Variants in EXT1 observed in about 807,000 individuals in gnomAD.
The protein encoded by EXT1 is exostosin-1.
In EXT1, 20 loss-of-function variants were observed where a neutral mutation model predicts 82.5. That is an observed-to-expected ratio of 0.24 (90% CI 0.17 to 0.35). The LOEUF is 0.35. EXT1 is among the 10% of genes least tolerant of loss of function. The probability of loss-of-function intolerance (pLI) is 1.00; values close to 1 mark genes in which losing one functional copy is unlikely to be tolerated. For missense variants in EXT1, 757 were observed against 936.5 expected (o/e 0.81, Z 2.50); for synonymous variants, 348 against 350.8 (o/e 0.99, Z 0.09).
intron 1 of EXT1, among the ~76,000 whole-genome samples, chr8:118,002,926 C>T (rs921641651): frequency 3.3e-5 from 5 of 152,098 alleles, no homozygotes; most frequent in Non-Finnish European, 7.3e-5. Context: ...AAGATATTTG[C>T]ACACACATTT....
At chr8:117,907,606 C>T (rs1813566559) in intron 1 of EXT1, among the ~76,000 whole-genome samples, 1 of 152,164 alleles carries the variant, frequency 6.6e-6, no homozygotes, top group Admixed American at 6.5e-5. Context: ...AAATGAGATA[C>T]TCTGAATTAG....
In EXT1 at chr8:118,054,590, G is replaced by T. The variant is rs1816765714; in HGVS notation, c.962+55495C>A. ...ATCCTTCAAACGACCCTAAAATAAA[G>T]ATACTGCCATCTCCATTTTTCCCTA... On this transcript the variant is annotated intron_variant, in intron 1 of 10. Transcript: ENST00000378204. Among the ~76,000 whole-genome samples the T allele has an allele frequency of 2.0e-5, 3 of 152,162 alleles. No homozygotes were observed. The South Asian group carries it at 6.2e-4, about 31-fold the overall frequency.
intron 1 of EXT1, among the ~76,000 whole-genome samples, chr8:117,977,741 G>A (rs968804055): frequency 5.3e-5 from 8 of 152,058 alleles, no homozygotes; most frequent in African/African-American, 1.9e-4. Context: ...ATCCATGGAG[G>A]GTCAGATGAG....
intron 1 of EXT1, among the ~76,000 whole-genome samples, chr8:118,032,318 T>C (rs1389575448): frequency 6.6e-6 from 1 of 151,544 alleles, no homozygotes; most frequent in Non-Finnish European, 1.5e-5. Context: ...AATCAGAAAT[T>C]TTAGAGTGAG....
chr8:117,872,334 C>G (rs1275335006), intron 1 of EXT1, among the ~76,000 whole-genome samples: 1 of 152,028 alleles, frequency 6.6e-6, no homozygotes, highest in African/African-American at 2.4e-5. Context: ...TTCAAGAAAG[C>G]AGCCACAGCA....
chr8:117,944,974 A>C (rs1814358403), intron 1 of EXT1, among the ~76,000 whole-genome samples: 3 of 152,208 alleles, frequency 2.0e-5, no homozygotes. Flanking sequence ...CATCCTGGCT[A>C]ACACGGTGAA....
intron 1 of EXT1, among the ~76,000 whole-genome samples, chr8:117,839,779 G>A (rs182022167): frequency 1.3e-5 from 2 of 152,254 alleles, no homozygotes; most frequent in East Asian, 3.9e-4. Flanking sequence ...CAACCTCCTT[G>A]TAGATGCTTA....
In EXT1 at chr8:117,926,054, G is replaced by C. The variant is rs11562742; in HGVS notation, c.963-88853C>G. Among the ~76,000 whole-genome samples the C allele has an allele frequency of 1.3e-3, 205 of 152,314 alleles. 3 individuals carry two copies. In the East Asian group the frequency reaches 0.035, roughly 26 times the overall value. On this transcript the variant is annotated intron_variant, in intron 1 of 10. Coordinates refer to ENST00000378204, the MANE Select transcript of EXT1 (RefSeq NM_000127.3). ...CAATTTGCCTCTAGTCTAAAATCAAGTCCATAGAAGAGACCGCACTTGGCC... is the reference window on the plus strand; with the variant it reads ...CAATTTGCCTCTAGTCTAAAATCAACTCCATAGAAGAGACCGCACTTGGCC...
intron 10 of EXT1, among the ~76,000 whole-genome samples, chr8:117,803,305 G>A (rs1354470209): frequency 4.6e-5 from 7 of 151,578 alleles, no homozygotes; most frequent in South Asian, 4.2e-4. Flanking sequence ...AGCAATTCTC[G>A]TGCCTCAGCC....
chr8:117,801,086 T>C lies in EXT1; in HGVS notation c.2056-1189A>G, dbSNP rs920462336. Among the ~76,000 whole-genome samples the C allele has an allele frequency of 6.6e-5, 10 of 152,246 alleles. No homozygotes were observed. In the East Asian group the frequency reaches 1.7e-3, roughly 26 times the overall value. Reference sequence around the variant, plus strand: ...ACTTTCATGGGAAGATACATTTTAGTGTGAGAAGCAGTAAGAGTCACTTCA... The same window carrying C: ...ACTTTCATGGGAAGATACATTTTAGCGTGAGAAGCAGTAAGAGTCACTTCA... On this transcript the variant is annotated intron_variant, in intron 10 of 10. Transcript: ENST00000378204.
intron 1 of EXT1, among the ~76,000 whole-genome samples, chr8:117,922,696 C>T (rs1173910577): frequency 6.6e-6 from 1 of 152,162 alleles, no homozygotes; most frequent in Non-Finnish European, 1.5e-5. Context: ...TCAGATGCAG[C>T]ATTTCAATGT....
intron 1 of EXT1, among the ~76,000 whole-genome samples, chr8:117,911,584 C>G (rs951268287): frequency 6.6e-6 from 1 of 151,666 alleles, no homozygotes; most frequent in African/African-American, 2.4e-5. Flanking sequence ...AATGGGGAAC[C>G]CTTTGAGACT....
chr8:117,921,155 G>A (rs551489041), intron 1 of EXT1, among the ~76,000 whole-genome samples: 1 of 152,244 alleles, frequency 6.6e-6, no homozygotes, highest in Non-Finnish European at 1.5e-5. Flanking sequence ...GACTAATAAA[G>A]GCTTTGGGCA....
chr8:117,948,217 T>C (rs1425380262), intron 1 of EXT1, among the ~76,000 whole-genome samples: 2 of 146,474 alleles, frequency 1.4e-5, no homozygotes, highest in African/African-American at 2.6e-5. Context: ...TGCTCTGAAG[T>C]AGTAGCAGGT....
rs543882820 is a variant in EXT1 at position 117,835,395 on chromosome 8, G to T, written c.1164+49C>A. 683 of 1,377,530 alleles carry T rather than the reference G, an allele frequency of 5.0e-4. 7 individuals are homozygous for T. The South Asian group carries it at 7.2e-3, about 15-fold the overall frequency. 85.3% of individuals were successfully genotyped at this position (1,377,530 alleles called of 1,614,324 possible). ...TCATCTTCTTTGAAAGTTTGGACGG[G>T]GGCAGCAATAATCTGCTGATGTGTT... On this transcript the variant is annotated intron_variant, in intron 3 of 10. Coordinates refer to ENST00000378204, the MANE Select transcript of EXT1 (RefSeq NM_000127.3).
chr8:117,961,479 C>G (rs1484544722), intron 1 of EXT1, among the ~76,000 whole-genome samples: 1 of 152,158 alleles, frequency 6.6e-6, no homozygotes, highest in African/African-American at 2.4e-5. Flanking sequence ...GTAAGCAAAA[C>G]CAGCACCTAG....
chr8:117,991,539 A>G (rs1815434684), intron 1 of EXT1, among the ~76,000 whole-genome samples: 1 of 151,672 alleles, frequency 6.6e-6, no homozygotes. Context: ...CAACTACCCT[A>G]CTGGAGTTAT....
chr8:117,925,705 C>CAAA (rs3049788), intron 1 of EXT1, among the ~76,000 whole-genome samples: 18 of 98,604 alleles, frequency 1.8e-4, no homozygotes, highest in African/African-American at 3.7e-4. Flanking sequence ...CCTGTCTCTA[C>CAAA]AAAAAAAAAA....
At chr8:117,965,772 A>G (rs1814796067) in intron 1 of EXT1, among the ~76,000 whole-genome samples, 1 of 152,192 alleles carries the variant, frequency 6.6e-6, no homozygotes, top group Non-Finnish European at 1.5e-5. Flanking sequence ...TTAGAATTAG[A>G]AAAAATAATG....
Sources: allele counts gnomAD v4.1 joint callset (sites outside exome capture counted in the v4.1 genomes callset), GRCh38; gene constraint gnomAD v4.1.1; transcripts MANE v1.5; gene names NCBI Gene and HGNC (gene_info 2026-07-23, HGNC 2026-07-21).